NAV2: variants seen among roughly 807,000 people sequenced by gnomAD.
NAV2 encodes neuron navigator 2.
A neutral mutation model predicts 223.2 loss-of-function variants in NAV2; 54 were observed. That is an observed-to-expected ratio of 0.24 (90% CI 0.19 to 0.30). The LOEUF (loss-of-function observed/expected upper bound fraction) is 0.30. Among genes scored for constraint, NAV2 ranks in the 10% least tolerant of loss-of-function variants. NAV2 has a pLI of 1.00. For synonymous variants in NAV2, 1,279 were observed against 1,239.3 expected (o/e 1.03, Z -0.67); for missense variants, 2,806 against 3,147.5 (o/e 0.89, Z 2.60).
intron 1 of NAV2, among the ~76,000 whole-genome samples, chr11:19,401,230 G>A (rs1335560893): frequency 6.6e-6 from 1 of 152,150 alleles, no homozygotes; most frequent in African/African-American, 2.4e-5. Flanking sequence ...ATAATATTAA[G>A]TGACTTAAGA....
chr11:20,019,024 G>A (rs746429919), intron 11 of NAV2, among the ~76,000 whole-genome samples: 1 of 152,204 alleles, frequency 6.6e-6, no homozygotes, highest in Non-Finnish European at 1.5e-5. Context: ...GGGCTTCTAG[G>A]CCAAGGGAAC....
chr11:20,006,675 C>CAAATAAAT (rs112326547), intron 11 of NAV2, among the ~76,000 whole-genome samples: 2,976 of 150,796 alleles, frequency 0.02, 96 homozygotes, highest in African/African-American at 0.069. Context: ...AACTCCATCT[C>CAAATAAAT]AAATAAATAA....
At chr11:19,885,401 G>A (rs980547397) in intron 5 of NAV2, among the ~76,000 whole-genome samples, 3 of 152,126 alleles carry the variant, frequency 2.0e-5, no homozygotes, top group Admixed American at 6.5e-5. Context: ...AAAATCTTAC[G>A]TTTCAACCAC....
rs544406507 is a variant in NAV2 at position 19,752,428 on chromosome 11, A to C, written c.267+38466A>C. Among the ~76,000 whole-genome samples, 7 of 152,320 alleles carry C rather than the reference A, an allele frequency of 4.6e-5. No homozygotes were observed. In the South Asian group the frequency reaches 1.4e-3, roughly 32 times the overall value. On this transcript the variant is annotated intron_variant, in intron 1 of 37. Coordinates refer to ENST00000349880, the MANE Select transcript of NAV2 (RefSeq NM_145117.5). ...CACTCAACTTCCTTTCTCATTTCAA[A>C]AATCTTATAGAAAATGTCAACCATA...
rs564762848 is a variant in NAV2 at position 19,351,705 on chromosome 11, C to T, written c.75+678C>T. Among the ~76,000 whole-genome samples, 107 of 147,624 alleles carry T rather than the reference C, an allele frequency of 7.2e-4. 1 individual carries two copies. The highest frequency in any genetic ancestry group is 2.0e-3 in the Admixed American group (29 of 14,438). Reference sequence around the variant, plus strand: ...CTCACTCTTGGGGCATAGCTAAGAACGGGGCGTGGCAAGGGTTAAATAAAT... The same window carrying T: ...CTCACTCTTGGGGCATAGCTAAGAATGGGGCGTGGCAAGGGTTAAATAAAT... On this transcript the variant is annotated intron_variant, in intron 1 of 37. Transcript: ENST00000360655.
At chr11:19,835,832 CA>C (rs2095676830) in intron 2 of NAV2, among the ~76,000 whole-genome samples, 1 of 151,914 alleles carries the variant, frequency 6.6e-6, no homozygotes, top group Admixed American at 6.5e-5. Context: ...TTACTGACTT[CA>C]TCTTATACTG....
At chr11:19,556,962 T>TA (rs2044915305) in intron 1 of NAV2, among the ~76,000 whole-genome samples, 1 of 152,254 alleles carries the variant, frequency 6.6e-6, no homozygotes, top group African/African-American at 2.4e-5. Flanking sequence ...ACCTTGATTT[T>TA]AAAAATCTCT....
chr11:19,575,041 A>G (rs1015690805), intron 1 of NAV2, among the ~76,000 whole-genome samples: 1 of 152,162 alleles, frequency 6.6e-6, no homozygotes, highest in African/African-American at 2.4e-5. Context: ...ACAGCTTTGC[A>G]CTTCCAGCCC....
Position 19,730,482 on chromosome 11 carries a change from G to A in NAV2, c.267+16520G>A, listed in dbSNP as rs559484482. Among the ~76,000 whole-genome samples, 28 of 152,326 alleles carry A rather than the reference G, an allele frequency of 1.8e-4. No homozygotes were observed. The South Asian group carries it at 5.0e-3, about 27-fold the overall frequency. On this transcript the variant is annotated intron_variant, in intron 1 of 37. Transcript: ENST00000349880. ...TGACAATGGGCCTGTTGGGGCCCTC[G>A]GTCTGCTGAGGTGACAGGGCTGGGG...
At chr11:19,604,043 A>G (rs2046417807) in intron 1 of NAV2, among the ~76,000 whole-genome samples, 1 of 151,566 alleles carries the variant, frequency 6.6e-6, no homozygotes, top group South Asian at 2.1e-4. Context: ...GAGCAAGGGG[A>G]AGAGAAGTAG....
At chr11:19,572,165 C>A (rs190180678) in intron 1 of NAV2, among the ~76,000 whole-genome samples, 2 of 152,342 alleles carry the variant, frequency 1.3e-5, no homozygotes, top group East Asian at 3.9e-4. Flanking sequence ...CCTGGCAACA[C>A]AGTCAGCTTG....
At chr11:19,696,159 A>G (rs1237303569) in intron 1 of NAV2, among the ~76,000 whole-genome samples, 1 of 152,040 alleles carries the variant, frequency 6.6e-6, no homozygotes, top group African/African-American at 2.4e-5. Flanking sequence ...AACATCAATC[A>G]CATCGGGAAA....
At chr11:19,952,298 C>G (rs570236345) in intron 10 of NAV2, among the ~76,000 whole-genome samples, 4 of 152,334 alleles carry the variant, frequency 2.6e-5, no homozygotes, top group African/African-American at 7.2e-5. Flanking sequence ...CCTCCCCAAC[C>G]TCTTGCCAGC....
chr11:19,692,017 A>G (rs1046253402), intron 1 of NAV2, among the ~76,000 whole-genome samples: 3 of 152,220 alleles, frequency 2.0e-5, no homozygotes, highest in African/African-American at 7.2e-5. Flanking sequence ...GCATGAGGCC[A>G]GCCATTGACC....
rs557855875 is a variant in NAV2, at chr11:19,775,823, A to T, written c.268-56661A>T. On this transcript the variant is annotated intron_variant, in intron 1 of 37. Coordinates refer to ENST00000349880, the MANE Select transcript of NAV2 (RefSeq NM_145117.5). ...GTGCAAAGGTCCTGAGGTAGGAATG[A>T]TTTGGATGTGTTTGAGAAAAAGAAA... 5.9e-5 allele frequency among the ~76,000 whole-genome samples: 9 copies of T among 152,248 alleles called. No individual in the cohort carries two copies. The South Asian group carries it at 1.9e-3, about 32-fold the overall frequency.
intron 1 of NAV2, among the ~76,000 whole-genome samples, chr11:19,390,190 C>T (rs1168589884): frequency 6.6e-6 from 1 of 152,152 alleles, no homozygotes; most frequent in African/African-American, 2.4e-5. Flanking sequence ...TGTGTGGGTG[C>T]TGGTGGACTG....
At chr11:19,482,241 C>T (rs995713897) in intron 1 of NAV2, among the ~76,000 whole-genome samples, 4 of 152,140 alleles carry the variant, frequency 2.6e-5, no homozygotes, top group African/African-American at 4.8e-5. Flanking sequence ...AGCCCATCTA[C>T]GTTCCCTACA....
intron 1 of NAV2, among the ~76,000 whole-genome samples, chr11:19,649,649 A>G (rs1243192079): frequency 1.3e-5 from 2 of 152,192 alleles, no homozygotes; most frequent in Non-Finnish European, 2.9e-5. Flanking sequence ...CACCTCCCAA[A>G]GACCCCAGCT....
intron 1 of NAV2, chr11:19,503,879 C>T (rs1425393386): frequency 6.6e-6 from 1 of 152,106 alleles, no homozygotes; most frequent in Non-Finnish European, 1.5e-5. Context: ...AATGAAAAGA[C>T]AAGCTACAGA....
Sources: allele counts gnomAD v4.1 joint callset (sites outside exome capture counted in the v4.1 genomes callset), GRCh38; gene constraint gnomAD v4.1.1; transcripts MANE v1.5; gene names NCBI Gene and HGNC (gene_info 2026-07-23, HGNC 2026-07-21).